YJEFN3: variants seen among roughly 807,000 people sequenced by gnomAD.
YJEFN3 encodes yjeF N-terminal domain-containing protein 3.
YJEFN3 carries 29 observed loss-of-function variants against 31.5 expected under a neutral mutation model. The observed-to-expected ratio is 0.92, with a 90% confidence interval of 0.69 to 1.26. The LOEUF (loss-of-function observed/expected upper bound fraction) is 1.26, where lower values mean the gene tolerates loss of function less well. YJEFN3 is among the 50% of genes most tolerant of loss of function. The pLI, the probability that YJEFN3 is intolerant of heterozygous loss-of-function variation, is 0.00. For synonymous variants in YJEFN3, 227 were observed against 196.1 expected (o/e 1.16, Z -1.32); for missense variants, 442 against 425.4 (o/e 1.04, Z -0.34).
At chr19:19,532,779 A>AC (rs1165240847) in intron 3 of YJEFN3, 39 bp downstream of exon 3, 1 of 1,464,552 alleles carries the variant, frequency 6.8e-7, no homozygotes. Flanking sequence ...CCCCAACCAG[A>AC]CGGCCAACTC....
chr19:19,531,626 C>T (rs144822824), intron 2 of YJEFN3, among the ~76,000 whole-genome samples: 1,648 of 151,312 alleles, frequency 0.011, 35 homozygotes, highest in African/African-American at 0.038. Flanking sequence ...AGTTTTGCTC[C>T]GAGAGGTGGA....
Position 19,537,533 on chromosome 19 carries a change from C to A in YJEFN3, c.*9C>A. ...GCGTCGCGGCACTGTGACCGCCACC[C>A]GCGGCCACACCGCAGGGACCCTCGC... On this transcript the variant is annotated 3_prime_UTR_variant, in exon 7 of 7. Coordinates refer to ENST00000514277, the MANE Select transcript of YJEFN3 (RefSeq NM_198537.4). 6.5e-7 allele frequency: 1 copy of A among 1,543,408 alleles called. No homozygotes were observed. The highest frequency in any genetic ancestry group is 8.7e-7 in the Non-Finnish European group (1 of 1,146,832).
intron 2 of YJEFN3, 26 bp from the exon 3 acceptor site, chr19:19,532,606 A>C (rs2061168637): frequency 6.8e-7 from 1 of 1,468,702 alleles, no homozygotes; most frequent in Admixed American, 2.1e-5. Context: ...TGTGTCTCTG[A>C]GTGTCCCATC....
chr19:19,531,699 T>C (rs1034679265), intron 2 of YJEFN3, among the ~76,000 whole-genome samples: 1 of 149,462 alleles, frequency 6.7e-6, no homozygotes, highest in Non-Finnish European at 1.5e-5. Context: ...AGTAGCCACA[T>C]TTTCTGGCAA....
At position 19,534,163 on chromosome 19, in the gene YJEFN3, G is replaced by C; in HGVS notation, c.319-871G>C. 1 of 985,706 alleles carries C rather than the reference G, an allele frequency of 1.0e-6. No homozygotes were observed. Among genetic ancestry groups the C allele is most frequent in the Non-Finnish European group, 1.2e-6 (1 of 830,118 alleles). 61.1% of individuals were successfully genotyped at this position (985,706 alleles called of 1,614,324 possible). ...CAGGGCTGGGGCCAAAATGCCTGGAGAGACAGAGTCTGAGAGATACAGAGA... is the reference window on the plus strand; with the variant it reads ...CAGGGCTGGGGCCAAAATGCCTGGACAGACAGAGTCTGAGAGATACAGAGA... On this transcript the variant is annotated intron_variant, in intron 3 of 6. Coordinates refer to ENST00000514277, the MANE Select transcript of YJEFN3 (RefSeq NM_198537.4). The surrounding 1 kb of genome is among the most constrained non-coding windows in gnomAD (Gnocchi z 4.6).
Position 19,535,583 on chromosome 19 carries a change from G to T in YJEFN3, c.598G>T (p.Gly200Cys). 1 of 1,581,750 alleles carries T rather than the reference G, an allele frequency of 6.3e-7. No homozygotes were observed. Among genetic ancestry groups the T allele is most frequent in the Non-Finnish European group, 8.6e-7 (1 of 1,163,564 alleles). Residue 200 changes from glycine (G) to cysteine (C), a missense_variant, in exon 6 of 7, where the codon GGC (glycine) becomes TGC (cysteine). Gly to Cys is a radical substitution (Grantham distance 159). Coordinates refer to ENST00000514277, the MANE Select transcript of YJEFN3 (RefSeq NM_198537.4). The part of the protein sequence containing the change: ...GLVVDAVLGP[G>C]VEPGEVGGPC... ...GGTGGTGGATGCCGTACTGGGCCCCGGCGTGGAGCCGGGCGAGGTCGGGGG... is the reference window on the plus strand; with the variant it reads ...GGTGGTGGATGCCGTACTGGGCCCCTGCGTGGAGCCGGGCGAGGTCGGGGG...
In YJEFN3 at chr19:19,535,076, C is replaced by T. The variant is rs558871328; in HGVS notation, c.361C>T (p.Leu121=). 4 of 1,611,706 alleles carry T rather than the reference C, an allele frequency of 2.5e-6. No homozygotes were observed. The Admixed American group carries it at 5.0e-5, about 20-fold the overall frequency. The change falls in exon 4 of 7, where the codon CTG becomes TTG. Residue 121 remains leucine, a synonymous_variant. Coordinates refer to ENST00000514277, the MANE Select transcript of YJEFN3 (RefSeq NM_198537.4). ...TCTCTCCCGGAAGCAGAGGACGGTGCTGGTCGTGTGTGGCCCGGAGCAGAA... is the reference window on the plus strand; with the variant it reads ...TCTCTCCCGGAAGCAGAGGACGGTGTTGGTCGTGTGTGGCCCGGAGCAGAA... ...PALSRKQRTV[L]VVCGPEQNGA...
rs1365649385 is a variant in YJEFN3 at position 19,534,748 on chromosome 19, C to T, written c.319-286C>T. 1 of 303,666 alleles carries T rather than the reference C, an allele frequency of 3.3e-6. No homozygotes were observed. Among genetic ancestry groups the T allele is most frequent in the Non-Finnish European group, 6.1e-6 (1 of 164,522 alleles). 18.8% of individuals were successfully genotyped at this position (303,666 alleles called of 1,614,324 possible). On this transcript the variant is annotated intron_variant, in intron 3 of 6. Transcript: ENST00000514277. This position sits in a 1 kb window ranked among gnomAD's most constrained non-coding sequence, Gnocchi z 4.6. ...GAAAGGTGGAAGAATGTCTGCAACT[C>T]AGGCGGAGAATAAACAAACCGCACT... is the stretch of plus-strand genomic sequence containing the variant.
rs1334149142 is a variant in YJEFN3, at chr19:19,537,320, C to G, written c.696C>G (p.Gly232=). The G allele has an allele frequency of 3.1e-6, 5 of 1,588,834 alleles. No homozygotes were observed. Among genetic ancestry groups the G allele is most frequent in the African/African-American group, 2.7e-5 (2 of 74,638 alleles). ...TCCCCCCGGACCCTCCTCCCTCAGG[C>G]TGGGACGCAGAGACCGGCAGCGATT... is the stretch of plus-strand genomic sequence containing the variant. ...IPLVSLDIPS[G]WDAETGSDSE... Residue 232 remains glycine (G), a splice_region_variant and synonymous_variant, in exon 7 of 7, where the codon GGC becomes GGG. Coordinates refer to ENST00000514277, the MANE Select transcript of YJEFN3 (RefSeq NM_198537.4).
chr19:19,529,330 A>G lies in YJEFN3; in HGVS notation c.60-34A>G, dbSNP rs1333255902. ...CTGGTCGCTCCCCCACCGAACCCCA[A>G]CCGTGGCCCACCCCCACTCTCCATC... On this transcript the variant is annotated intron_variant, in intron 1 of 6. Coordinates refer to ENST00000514277, the MANE Select transcript of YJEFN3 (RefSeq NM_198537.4). The G allele has an allele frequency of 4.4e-6, 7 of 1,588,456 alleles. No individual in the cohort carries two copies. In the East Asian group the frequency reaches 6.7e-5, roughly 15 times the overall value.
chr19:19,532,439 G>A (rs568560153), intron 2 of YJEFN3, among the ~76,000 whole-genome samples, 193 bp from the exon 3 acceptor site: 27 of 152,364 alleles, frequency 1.8e-4, no homozygotes, highest in Admixed American at 1.6e-3. Context: ...GGCCCGCCAG[G>A]CCTCGATTCA....
intron 2 of YJEFN3, among the ~76,000 whole-genome samples, chr19:19,532,080 C>T (rs919283727): frequency 6.6e-6 from 1 of 152,166 alleles, no homozygotes; most frequent in East Asian, 1.9e-4. Context: ...CCCTGAAAAT[C>T]GGTCACCAAA....
At chr19:19,533,959 G>T in intron 3 of YJEFN3, 1 of 985,626 alleles carries the variant, frequency 1.0e-6, no homozygotes, top group Non-Finnish European at 1.2e-6. Flanking sequence ...ACTGCGCTAA[G>T]CCTTTGGGGA....
Position 19,537,557 on chromosome 19 carries a change from G to A in YJEFN3, c.*33G>A. 5 of 1,497,430 alleles carry A rather than the reference G, an allele frequency of 3.3e-6. No homozygotes were observed. The highest frequency in any genetic ancestry group is 1.3e-5 in the South Asian group (1 of 79,476). The allele number at this position is 1,497,430 out of a possible 1,614,324, so 92.8% of individuals were successfully genotyped here. ...CCGCGGCCACACCGCAGGGACCCTC[G>A]CCAATAAACAGCCCTCCCACCACCG... On this transcript the variant is annotated 3_prime_UTR_variant, in exon 7 of 7. Transcript: ENST00000514277.
intron 2 of YJEFN3, among the ~76,000 whole-genome samples, chr19:19,530,696 C>T (rs1382672459): frequency 1.3e-5 from 2 of 152,202 alleles, no homozygotes; most frequent in Admixed American, 6.5e-5. Flanking sequence ...TTCCTGGGAG[C>T]TGCGCTGGCC....
chr19:19,533,296 A>G (rs1327638312), intron 3 of YJEFN3: 5 of 985,758 alleles, frequency 5.1e-6, no homozygotes, highest in Non-Finnish European at 6.0e-6. Flanking sequence ...AGTGCTGGGC[A>G]TCAGTTTCCT....
Position 19,537,571 on chromosome 19 carries a change from C to T in YJEFN3, c.*47C>T. ...CAGGGACCCTCGCCAATAAACAGCC[C>T]TCCCACCACCGCCGCCTCGCCTCCG... On this transcript the variant is annotated 3_prime_UTR_variant, in exon 7 of 7. Coordinates refer to ENST00000514277, the MANE Select transcript of YJEFN3 (RefSeq NM_198537.4). 2 of 1,465,896 alleles carry T rather than the reference C, an allele frequency of 1.4e-6. No individual in the cohort carries two copies. Among genetic ancestry groups the T allele is most frequent in the Non-Finnish European group, 1.8e-6 (2 of 1,105,956 alleles). 90.8% of individuals were successfully genotyped at this position (1,465,896 alleles called of 1,614,324 possible).
In YJEFN3 at chr19:19,532,850, TTG is replaced by T. The variant is rs2061171948; in HGVS notation, c.318+111_318+112del. On this transcript the variant is annotated intron_variant, in intron 3 of 6. Transcript: ENST00000514277. ...CACCCCTCAAGAACTCCCTTTTTGC[TTG>T]GGCCTACCCCAGCCTGATGGGTAAA... The T allele has an allele frequency of 3.5e-6, 4 of 1,128,114 alleles. No homozygotes were observed. The East Asian group carries it at 1.1e-4, about 32-fold the overall frequency. 69.9% of individuals were successfully genotyped at this position (1,128,114 alleles called of 1,614,324 possible).
chr19:19,530,473 TAGAC>T (rs1011982467), intron 2 of YJEFN3, among the ~76,000 whole-genome samples: 6 of 151,632 alleles, frequency 4.0e-5, no homozygotes, highest in Non-Finnish European at 1.5e-5. Flanking sequence ...AATGACCAGT[TAGAC>T]AGGAAGAGAA....
Sources: allele counts gnomAD v4.1 joint callset (sites outside exome capture counted in the v4.1 genomes callset), GRCh38; gene constraint gnomAD v4.1.1; non-coding constraint Gnocchi (gnomAD v3.1); transcripts MANE v1.5; gene names NCBI Gene and HGNC (gene_info 2026-07-23, HGNC 2026-07-21).